SLC14A2: variants seen among roughly 807,000 people sequenced by gnomAD.
SLC14A2 encodes urea transporter 2.
In SLC14A2, 91 loss-of-function variants were observed where a neutral mutation model predicts 104.6. That is an observed-to-expected ratio of 0.87 (90% CI 0.73 to 1.04). The LOEUF (loss-of-function observed/expected upper bound fraction) is 1.04, where lower values mean the gene tolerates loss of function less well. Ranked by LOEUF, SLC14A2 falls within the 50% of genes least tolerant of loss-of-function variation. The probability of loss-of-function intolerance (pLI) is 0.00; values close to 1 mark genes in which losing one functional copy is unlikely to be tolerated. For missense variants in SLC14A2, 1,189 were observed against 1,156.0 expected (o/e 1.03, Z -0.41); for synonymous variants, 476 against 466.4 (o/e 1.02, Z -0.27).
intron 18 of SLC14A2, among the ~76,000 whole-genome samples, chr18:45,675,767 G>A (rs756900532): frequency 2.1e-5 from 3 of 139,782 alleles, no homozygotes; most frequent in Non-Finnish European, 3.0e-5. Flanking sequence ...CAGGCTGGTC[G>A]TGGGCTCAAG....
chr18:45,449,495 G>A (rs1407265180), intron 1 of SLC14A2, among the ~76,000 whole-genome samples: 1 of 152,110 alleles, frequency 6.6e-6, no homozygotes, highest in Non-Finnish European at 1.5e-5. Flanking sequence ...GAAAGACGAT[G>A]GAGTCTCCTT....
At chr18:45,222,079 G>C (rs1306582982) in intron 1 of SLC14A2, among the ~76,000 whole-genome samples, 1 of 152,186 alleles carries the variant, frequency 6.6e-6, no homozygotes, top group African/African-American at 2.4e-5. Flanking sequence ...TCTCTTAATA[G>C]AGTTTAACAT....
the SLC14A2 span, among the ~76,000 whole-genome samples, chr18:45,174,020 G>A: frequency 5.3e-5 from 8 of 152,030 alleles, no homozygotes; most frequent in Non-Finnish European, 7.4e-5. Context: ...CACTTTAAAC[G>A]GTATTATGGA....
chr18:45,657,522 GGAA>G (rs1233474365), intron 10 of SLC14A2, among the ~76,000 whole-genome samples: 16 of 49,424 alleles, frequency 3.2e-4, no homozygotes, highest in African/African-American at 7.4e-4. Context: ...AGAAAGAAAA[GGAA>G]GGAAGGAAGG....
intron 1 of SLC14A2, among the ~76,000 whole-genome samples, chr18:45,451,426 AG>A (rs755903639): frequency 1.6e-3 from 243 of 152,176 alleles, no homozygotes; most frequent in Middle Eastern, 3.4e-3. Flanking sequence ...ACAAATTCAA[AG>A]GAAGGAAAAA....
chr18:45,252,792 CTT>C (rs745363624), intron 1 of SLC14A2, among the ~76,000 whole-genome samples: 19 of 126,878 alleles, frequency 1.5e-4, no homozygotes, highest in East Asian at 2.2e-4. Flanking sequence ...GCAATATTGA[CTT>C]TTTTTTTTTT....
At chr18:45,618,967 G>T (rs2045119990) in intron 1 of SLC14A2, among the ~76,000 whole-genome samples, 1 of 152,142 alleles carries the variant, frequency 6.6e-6, no homozygotes, top group Admixed American at 6.5e-5. Flanking sequence ...ATCAGGAAAA[G>T]AATTTCAAAA....
At chr18:45,649,062 T>C (rs950599981) in intron 10 of SLC14A2, among the ~76,000 whole-genome samples, 1 of 152,126 alleles carries the variant, frequency 6.6e-6, no homozygotes, top group African/African-American at 2.4e-5. Flanking sequence ...TCCCAGCTAC[T>C]CGGGAGGCTG....
At chr18:45,425,583 A>C (rs895836521) in intron 1 of SLC14A2, among the ~76,000 whole-genome samples, 1 of 152,180 alleles carries the variant, frequency 6.6e-6, no homozygotes, top group Admixed American at 6.5e-5. Context: ...GCTGTGGAAG[A>C]CATGTCTGCT....
the SLC14A2 span, among the ~76,000 whole-genome samples, chr18:45,197,491 G>A: frequency 2.0e-5 from 3 of 152,218 alleles, no homozygotes; most frequent in African/African-American, 7.2e-5. Flanking sequence ...AAGGTGAAGA[G>A]CAGTATAGTC....
intron 1 of SLC14A2, among the ~76,000 whole-genome samples, chr18:45,315,748 C>T (rs2085122959): frequency 6.6e-6 from 1 of 152,164 alleles, no homozygotes; most frequent in Non-Finnish European, 1.5e-5. Context: ...CTCAAGCAGG[C>T]ATCACATAGT....
the SLC14A2 span, among the ~76,000 whole-genome samples, chr18:45,194,695 G>C: frequency 7.4e-6 from 1 of 135,902 alleles, no homozygotes; most frequent in Non-Finnish European, 1.5e-5. Context: ...GCCCAGGCTG[G>C]AGTGCAGTGG....
chr18:45,170,367 G>A, the SLC14A2 span, among the ~76,000 whole-genome samples: 1 of 152,076 alleles, frequency 6.6e-6, no homozygotes, highest in Non-Finnish European at 1.5e-5. Context: ...TGTGGAAGGA[G>A]GTAAGACTCA....
chr18:45,468,662 A>C (rs1401468706), intron 1 of SLC14A2, among the ~76,000 whole-genome samples: 3 of 152,198 alleles, frequency 2.0e-5, no homozygotes, highest in African/African-American at 7.2e-5. Context: ...TAATTAGCCT[A>C]GCTGAATAAT....
At chr18:45,567,225 C>T (rs757232504) in intron 2 of SLC14A2, among the ~76,000 whole-genome samples, 3 of 152,088 alleles carry the variant, frequency 2.0e-5, no homozygotes, top group African/African-American at 7.2e-5. Flanking sequence ...GGAAGGCCAA[C>T]GCCCACCCCC....
intron 1 of SLC14A2, among the ~76,000 whole-genome samples, chr18:45,470,359 T>G (rs2144665066): frequency 1.3e-5 from 2 of 152,352 alleles, no homozygotes; most frequent in Middle Eastern, 3.4e-3. Flanking sequence ...TTGTGTCTTT[T>G]GCTCATAGCA....
At chr18:45,373,735 G>T (rs761382319) in intron 1 of SLC14A2, among the ~76,000 whole-genome samples, 2 of 152,178 alleles carry the variant, frequency 1.3e-5, no homozygotes, top group Non-Finnish European at 2.9e-5. Flanking sequence ...AAGTGCACAG[G>T]CCTTGGGATC....
the SLC14A2 span, among the ~76,000 whole-genome samples, chr18:45,206,741 T>C: frequency 1.3e-5 from 2 of 152,174 alleles, no homozygotes; most frequent in African/African-American, 4.8e-5. Flanking sequence ...TTTGGGGAGT[T>C]CTGCAACTCA....
At chr18:45,493,758 C>G (rs1598911377) in intron 2 of SLC14A2, among the ~76,000 whole-genome samples, 1 of 152,204 alleles carries the variant, frequency 6.6e-6, no homozygotes, top group Admixed American at 6.5e-5. Flanking sequence ...GGACATGTTT[C>G]TTTAAGTGTT....
Sources: gnomAD v4.1 joint callset for allele counts (sites outside exome capture counted in the v4.1 genomes callset) on GRCh38, gnomAD v4.1.1 for gene constraint, MANE v1.5 for transcripts, NCBI Gene and HGNC (gene_info 2026-07-23, HGNC 2026-07-21) for gene names.